PGK1: variants seen among roughly 807,000 people sequenced by gnomAD.
The protein encoded by PGK1 is PRP 2.
Under a neutral mutation model 26.9 loss-of-function variants are expected in PGK1, and 3 were observed. The ratio of observed to expected loss-of-function variants is 0.11; its 90% CI spans 0.05 to 0.29. The LOEUF is 0.29. Ranked by LOEUF, PGK1 falls within the 10% of genes least tolerant of loss-of-function variation. PGK1 has a pLI of 1.00. For missense variants in PGK1, 270 were observed against 314.7 expected, an observed-to-expected ratio of 0.86 and a Z score of 1.07; for synonymous variants, 125 against 115.3, an observed-to-expected ratio of 1.08 and a Z score of -0.54.
chrX:78,123,195 A>T lies in PGK1; in HGVS notation c.757A>T (p.Ile253Phe). The change falls in exon 8 of 11, where the codon ATT (isoleucine) becomes TTT (phenylalanine). Residue 253 changes from isoleucine (I) to phenylalanine (F), a missense_variant and splice_region_variant. By Grantham distance (21) the Ile-to-Phe change is conservative. Transcript: ENST00000373316. ...TFLKVLNNME[I>F]GTSLFDEEGA... ...CCATCATTTTGGCTCCCCTGTGTAG[A>T]TTGGCACTTCTCTGTTTGATGAAGA... The T allele has an allele frequency of 8.3e-7, 1 of 1,205,023 alleles. No individual in the cohort carries two copies. Among genetic ancestry groups the T allele is most frequent in the African/African-American group, 1.7e-5 (1 of 57,551 alleles).
intron 2 of PGK1, 91 bp downstream of exon 2, chrX:78,110,008 T>C (rs1199102659): frequency 1.1e-5 from 7 of 616,977 alleles, no homozygotes; most frequent in Non-Finnish European, 1.7e-5. Context: ...ATTATGGAAC[T>C]GTAGCAACTT....
rs782407665 is a variant in PGK1 at position 78,109,188 on chromosome X, A to T, written c.66-679A>T. Among the ~76,000 whole-genome samples the T allele has an allele frequency of 8.1e-5, 9 of 111,576 alleles. No homozygotes were observed. In the South Asian group the frequency reaches 2.6e-3, roughly 33 times the overall value. ...CTGTTTGTCAGGTGGGCTGGGGCAC[A>T]TGTCCCACCCTCTCTTCTCAGGCTT... On this transcript the variant is annotated intron_variant, in intron 1 of 10. Transcript: ENST00000373316.
intron 1 of PGK1, among the ~76,000 whole-genome samples, chrX:78,107,954 A>G (rs1200338896): frequency 9.4e-6 from 1 of 106,756 alleles, no homozygotes; most frequent in Non-Finnish European, 1.9e-5. Flanking sequence ...GGGGTGTTAT[A>G]AGGAAACGAA....
chrX:78,115,358 G>T (rs954610981), intron 4 of PGK1, among the ~76,000 whole-genome samples: 1 of 111,078 alleles, frequency 9.0e-6, no homozygotes, highest in Non-Finnish European at 1.9e-5. Flanking sequence ...AGTTCAAAAT[G>T]GATTAAAAAA....
At position 78,104,412 on chromosome X, in the gene PGK1, C is replaced by T. The variant is rs782566582; in HGVS notation, c.65+7C>T. ...GGAAGCGGGTCGTTATGAGGTAATT[C>T]TGCACGTTTGCCCGCGTGCTCTCTG... On this transcript the variant is annotated splice_region_variant and intron_variant, in intron 1 of 10. Coordinates refer to ENST00000373316, the MANE Select transcript of PGK1 (RefSeq NM_000291.4). 2 of 1,179,485 alleles carry T rather than the reference C, an allele frequency of 1.7e-6. No individual in the cohort carries two copies. The highest frequency in any genetic ancestry group is 1.7e-5 in the African/African-American group (1 of 57,350).
chrX:78,123,094 G>A, intron 7 of PGK1, 101 bp from the exon 8 acceptor site: 1 of 763,142 alleles, frequency 1.3e-6, no homozygotes, highest in Non-Finnish European at 2.0e-6. Flanking sequence ...TCTTTGCATT[G>A]TTCCTTTATA....
At position 78,114,119 on chromosome X, in the gene PGK1, G is replaced by A. The variant is rs1557247205; in HGVS notation, c.376G>A (p.Val126Met). Reference protein sequence around the residue: ...VILLENLRFHVEEEGKGKDAS... With the variant: ...VILLENLRFHMEEEGKGKDAS... ...CCTGCTGGAGAACCTCCGCTTTCAT[G>A]TGGAGGAAGAAGGGAAGGGAAAAGA... Residue 126 changes from valine (V) to methionine (M), a missense_variant, in exon 4 of 11, where the codon GTG (valine) becomes ATG (methionine). Physicochemically the swap from Val to Met is conservative, Grantham distance 21 (BLOSUM62 1). Transcript: ENST00000373316. The A allele has an allele frequency of 8.3e-7, 1 of 1,211,317 alleles. No individual in the cohort carries two copies.
chrX:78,118,601 T>TAAATAAAC (rs1272522622), intron 6 of PGK1, among the ~76,000 whole-genome samples: 13 of 109,062 alleles, frequency 1.2e-4, no homozygotes, highest in African/African-American at 4.3e-4. Context: ...AATAAATAAA[T>TAAATAAAC]AAACAAACAA....
At chrX:78,117,194 A>G (rs900493861) in intron 4 of PGK1, 118 bp from the exon 5 acceptor site, 4 of 538,053 alleles carry the variant, frequency 7.4e-6, no homozygotes, top group Non-Finnish European at 1.3e-5. Context: ...GTTGTAAAAA[A>G]TCGCTGTCCC....
At position 78,125,505 on chromosome X, in the gene PGK1, A is replaced by G. The variant is rs2073177; in HGVS notation, c.1213+80A>G. Reference sequence around the variant, plus strand: ...GAGGTGGGTAGAATGGAGTGGAGAAAGTTAGAAGGTAGTGTTGTCATTAGC... The same window carrying G: ...GAGGTGGGTAGAATGGAGTGGAGAAGGTTAGAAGGTAGTGTTGTCATTAGC... On this transcript the variant is annotated intron_variant, in intron 10 of 10. Coordinates refer to ENST00000373316, the MANE Select transcript of PGK1 (RefSeq NM_000291.4). 168,394 of 669,690 alleles carry G rather than the reference A, an allele frequency of 0.25. 15,229 individuals carry two copies. The highest frequency in any genetic ancestry group is 0.41 in the East Asian group (12,636 of 30,927). The allele number at this position is 669,690 out of a possible 1,213,427, so 55.2% of individuals were successfully genotyped here. A position where few individuals can be genotyped will look rare whatever the true frequency, so the allele number is the denominator to read the frequency against.
At chrX:78,121,260 G>A (rs1557248003) in intron 6 of PGK1, among the ~76,000 whole-genome samples, 1 of 112,142 alleles carries the variant, frequency 8.9e-6, no homozygotes, top group Non-Finnish European at 1.9e-5. Context: ...ATTGCCTTTG[G>A]CTGTTAGGTA....
chrX:78,116,712 T>C (rs1364637050), intron 4 of PGK1, among the ~76,000 whole-genome samples: 2 of 112,709 alleles, frequency 1.8e-5, no homozygotes, highest in African/African-American at 6.4e-5. Context: ...TCTTCCTCTC[T>C]TTTTGTAGAA....
intron 6 of PGK1, 53 bp downstream of exon 6, chrX:78,118,223 G>A (rs1185799318): frequency 1.5e-5 from 18 of 1,163,309 alleles, no homozygotes; most frequent in Non-Finnish European, 2.1e-5. Flanking sequence ...CTGGTAGTAG[G>A]CCATAACTTG....
chrX:78,106,528 G>T, intron 1 of PGK1: 14 of 754,228 alleles, frequency 1.9e-5, no homozygotes, highest in Non-Finnish European at 2.2e-5. Flanking sequence ...TCAACGTGGT[G>T]GTTGCTGGCG....
chrX:78,117,186 T>G, intron 4 of PGK1, 126 bp from the exon 5 acceptor site: 1 of 524,671 alleles, frequency 1.9e-6, no homozygotes, highest in South Asian at 2.6e-5. Context: ...TACTGCTGGT[T>G]GTAAAAAATC....
At chrX:78,106,084 C>A (rs2078271268) in intron 1 of PGK1, among the ~76,000 whole-genome samples, 1 of 111,949 alleles carries the variant, frequency 8.9e-6, no homozygotes, top group Non-Finnish European at 1.9e-5. Context: ...TCTAGGGAAA[C>A]TGGCTTGAGG....
chrX:78,125,258 C>G, intron 9 of PGK1, 69 bp from the exon 10 acceptor site: 1 of 888,242 alleles, frequency 1.1e-6, no homozygotes, highest in Non-Finnish European at 1.7e-6. Flanking sequence ...CACTGCCTTA[C>G]AGTTTTGGTG....
At chrX:78,110,162 T>C (rs2078292979) in intron 2 of PGK1, among the ~76,000 whole-genome samples, 1 of 110,741 alleles carries the variant, frequency 9.0e-6, no homozygotes, top group South Asian at 3.9e-4. Context: ...GAGTTCATTT[T>C]CTTTTTTTGA....
intron 4 of PGK1, among the ~76,000 whole-genome samples, chrX:78,116,117 C>T (rs2078325502): frequency 9.1e-6 from 1 of 110,421 alleles, no homozygotes; most frequent in Non-Finnish European, 1.9e-5. Flanking sequence ...ATATTGGCCT[C>T]CCAAAGTGTT....
Sources: gnomAD v4.1 joint callset for allele counts (sites outside exome capture counted in the v4.1 genomes callset) on GRCh38, gnomAD v4.1.1 for gene constraint, MANE v1.5 for transcripts, NCBI Gene and HGNC (gene_info 2026-07-23, HGNC 2026-07-21) for gene names.